The following KIF13A variants were observed in gnomAD, a reference collection of about 807,000 sequenced individuals.
KIF13A encodes kinesin-like protein KIF13A.
Under a neutral mutation model 212.2 loss-of-function variants are expected in KIF13A, and 79 were observed. That is an observed-to-expected ratio of 0.37 (90% confidence interval 0.31 to 0.45). The LOEUF (loss-of-function observed/expected upper bound fraction) is 0.45. Among genes scored for constraint, KIF13A ranks in the 20% least tolerant of loss-of-function variants. The pLI is 1.00. For missense variants in KIF13A, 1,901 were observed against 2,209.0 expected, an observed-to-expected ratio of 0.86 and a Z score of 2.79; for synonymous variants, 789 against 808.6, an observed-to-expected ratio of 0.98 and a Z score of 0.41.
In KIF13A at chr6:17,771,181, A is replaced by G. The variant is rs766177992; in HGVS notation, c.4514T>C (p.Ile1505Thr). 5 of 1,613,260 alleles carry G rather than the reference A, an allele frequency of 3.1e-6. No individual in the cohort carries two copies. The highest frequency in any genetic ancestry group is 1.3e-5 in the African/African-American group (1 of 75,042). ...PPPQAHNPGC[I>T]VPSGSNGSSM... ...GCTGCCATTGCTTCCTGAGGGTACAATGCAGCCAGGGTTATGTGCCTGAGG... is the reference window on the plus strand; with the variant it reads ...GCTGCCATTGCTTCCTGAGGGTACAGTGCAGCCAGGGTTATGTGCCTGAGG... Residue 1505 changes from isoleucine (I) to threonine (T), a missense_variant, in exon 38 of 39, where the codon ATT becomes ACT. Ile to Thr is a moderately conservative substitution (Grantham distance 89). This residue lies in a region of KIF13A where 687 missense variants were observed against 759.1 expected (regional missense o/e 0.90). Transcript: ENST00000259711. This position sits in a 1 kb window ranked among gnomAD's most constrained non-coding sequence, Gnocchi z 5.4.
chr6:17,951,278 C>T lies in KIF13A; in HGVS notation c.146+35776G>A, dbSNP rs1236836479. ...GAGTAGCTGGGACCACAGGTATGCG[C>T]CACCACGTCCAGCTAATTTTAAACA... On this transcript the variant is annotated intron_variant, in intron 2 of 38. Transcript: ENST00000259711. This position sits in a 1 kb window ranked among gnomAD's most constrained non-coding sequence, Gnocchi z 4.9. 4 of 595,312 alleles carry T rather than the reference C, an allele frequency of 6.7e-6. No individual in the cohort carries two copies. The highest frequency in any genetic ancestry group is 8.6e-6 in the Non-Finnish European group (3 of 347,926). 36.9% of individuals were successfully genotyped at this position (595,312 alleles called of 1,614,324 possible).
At chr6:17,874,736 T>A (rs944205457) in intron 3 of KIF13A, among the ~76,000 whole-genome samples, 1 of 151,962 alleles carries the variant, frequency 6.6e-6, no homozygotes, top group Non-Finnish European at 1.5e-5. Context: ...GTACACTGCA[T>A]CATATTTGTA....
At chr6:17,882,074 T>C (rs1007131812) in intron 3 of KIF13A, 1 of 456,928 alleles carries the variant, frequency 2.2e-6, no homozygotes. Context: ...ATATGTAATC[T>C]GTAACCATTT....
At chr6:17,819,726 T>TA (rs552877754) in intron 16 of KIF13A, among the ~76,000 whole-genome samples, 9 of 152,116 alleles carry the variant, frequency 5.9e-5, no homozygotes, top group African/African-American at 9.7e-5. Context: ...CTATAACTTC[T>TA]AAAAAAATAT....
chr6:17,971,501 A>G lies in KIF13A; in HGVS notation c.146+15553T>C. ...CAGTGGTGTAATCATGGCTCACTGCAGCCTAGACCTTCTGCATTCAAGTGA... is the reference window on the plus strand; with the variant it reads ...CAGTGGTGTAATCATGGCTCACTGCGGCCTAGACCTTCTGCATTCAAGTGA... On this transcript the variant is annotated intron_variant, in intron 2 of 38. Transcript: ENST00000259711. The surrounding 1 kb of genome is among the most constrained non-coding windows in gnomAD (Gnocchi z 4.2). Among the ~76,000 whole-genome samples, 1 of 151,906 alleles carries G rather than the reference A, an allele frequency of 6.6e-6. No homozygotes were observed. The highest frequency in any genetic ancestry group is 6.6e-5 in the Admixed American group (1 of 15,238).
chr6:17,966,847 A>G (rs1395091574), intron 2 of KIF13A, among the ~76,000 whole-genome samples: 1 of 152,198 alleles, frequency 6.6e-6, no homozygotes, highest in African/African-American at 2.4e-5. Context: ...GTAAATACTC[A>G]AAGCGTATTA....
At chr6:17,903,704 C>T (rs1053892230) in intron 2 of KIF13A, among the ~76,000 whole-genome samples, 9 of 152,158 alleles carry the variant, frequency 5.9e-5, no homozygotes, top group East Asian at 3.8e-4. Context: ...ACAGGGAAGA[C>T]TGACAGGCAG....
In KIF13A at chr6:17,799,835, G is replaced by A. The variant is rs116297000; in HGVS notation, c.2616+117C>T. On this transcript the variant is annotated intron_variant, in intron 21 of 38. Transcript: ENST00000259711. This position sits in a 1 kb window ranked among gnomAD's most constrained non-coding sequence, Gnocchi z 4.4. Reference sequence around the variant, plus strand: ...CAAAGTACTGTCCACCACTGTATCTGCTGTTACAAAATCCAACTTTTACTA... The same window carrying A: ...CAAAGTACTGTCCACCACTGTATCTACTGTTACAAAATCCAACTTTTACTA... The A allele has an allele frequency of 1.3e-4, 140 of 1,048,182 alleles. No individual in the cohort carries two copies. In the African/African-American group the frequency reaches 1.9e-3, roughly 14 times the overall value. 64.9% of individuals were successfully genotyped at this position (1,048,182 alleles called of 1,614,324 possible). A position where few individuals can be genotyped will look rare whatever the true frequency, so the allele number is the denominator to read the frequency against.
At chr6:17,870,416 T>C (rs1050476288) in intron 4 of KIF13A, among the ~76,000 whole-genome samples, 1 of 152,108 alleles carries the variant, frequency 6.6e-6, no homozygotes, top group African/African-American at 2.4e-5. Flanking sequence ...CACAACTAAA[T>C]TTTATCATCT....
chr6:17,859,921 T>G (rs1768575485), intron 4 of KIF13A, among the ~76,000 whole-genome samples: 1 of 151,704 alleles, frequency 6.6e-6, no homozygotes, highest in African/African-American at 2.4e-5. Flanking sequence ...ATGTTCTATA[T>G]TATTGAATCC....
rs16879993 is a variant in KIF13A, at chr6:17,849,798, C to T, written c.718-309G>A. ...AGATATGAGGACATGAGGATTTCTG[C>T]ACATTCAAGTCAAATCCTTCTTCCT... On this transcript the variant is annotated intron_variant, in intron 8 of 38. Coordinates refer to ENST00000259711, the MANE Select transcript of KIF13A (RefSeq NM_022113.6). This position sits in a 1 kb window ranked among gnomAD's most constrained non-coding sequence, Gnocchi z 5.7. Among the ~76,000 whole-genome samples, 800 of 152,296 alleles carry T rather than the reference C, an allele frequency of 5.3e-3. 20 individuals are homozygous for T. Among genetic ancestry groups the T allele is most frequent in the East Asian group, 0.041 (214 of 5,174 alleles).
At position 17,900,632 on chromosome 6, in the gene KIF13A, A is replaced by T. The variant is rs183789627; in HGVS notation, c.147-2452T>A. Among the ~76,000 whole-genome samples, 1 of 152,238 alleles carries T rather than the reference A, an allele frequency of 6.6e-6. No individual in the cohort carries two copies. Among genetic ancestry groups the T allele is most frequent in the African/African-American group, 2.4e-5 (1 of 41,560 alleles). ...ACCCTTGCTACAGAAGGAAAAGTAA[A>T]CCCTGTAGTGCATCATCACTGTACT... On this transcript the variant is annotated intron_variant, in intron 2 of 38. Coordinates refer to ENST00000259711, the MANE Select transcript of KIF13A (RefSeq NM_022113.6). This position sits in a 1 kb window ranked among gnomAD's most constrained non-coding sequence, Gnocchi z 4.6.
intron 12 of KIF13A, among the ~76,000 whole-genome samples, chr6:17,831,605 G>A (rs994584404): frequency 6.6e-6 from 1 of 151,060 alleles, no homozygotes; most frequent in African/African-American, 2.4e-5. Context: ...GCAGAAAGAG[G>A]ATATATTTGA....
At chr6:17,803,954 C>T (rs1270411216) in intron 20 of KIF13A, among the ~76,000 whole-genome samples, 1 of 152,166 alleles carries the variant, frequency 6.6e-6, no homozygotes, top group Non-Finnish European at 1.5e-5. Context: ...AGATCAAGAC[C>T]ATCCTGGCTA....
chr6:17,936,866 C>G (rs1034072303), intron 2 of KIF13A, among the ~76,000 whole-genome samples: 2 of 152,030 alleles, frequency 1.3e-5, no homozygotes, highest in Non-Finnish European at 2.9e-5. Flanking sequence ...TAGCAACAAC[C>G]AGAATGTTTG....
intron 2 of KIF13A, among the ~76,000 whole-genome samples, chr6:17,939,391 A>G (rs538686092): frequency 6.6e-6 from 1 of 152,366 alleles, no homozygotes; most frequent in East Asian, 1.9e-4. Context: ...CCTCAAGGCC[A>G]TTCGAGTTTA....
Position 17,764,791 on chromosome 6 carries a change from T to A in KIF13A, c.4737A>T (p.Ser1579=). The A allele has an allele frequency of 6.2e-7, 1 of 1,613,358 alleles. No individual in the cohort carries two copies. Among genetic ancestry groups the A allele is most frequent in the Admixed American group, 1.7e-5 (1 of 59,870 alleles). The part of the protein sequence containing the change: ...WFSSKVDLSN[S]RVLEKEVSRS... The stretch of plus-strand genomic sequence containing the variant: ...GGGACACTTCTTTCTCCAAGACCCG[T>A]GAGTTTGACAGATCTACTTTAGAGG... The change falls in exon 39 of 39, where the codon TCA becomes TCT. Residue 1579 remains serine (S), a synonymous_variant. Coordinates refer to ENST00000259711, the MANE Select transcript of KIF13A (RefSeq NM_022113.6). This position sits in a 1 kb window ranked among gnomAD's most constrained non-coding sequence, Gnocchi z 5.1.
intron 2 of KIF13A, among the ~76,000 whole-genome samples, chr6:17,985,632 C>CGGGGGGGGGGG (rs1554128614): frequency 2.6e-5 from 1 of 38,194 alleles, no homozygotes; most frequent in African/African-American, 1.2e-4. Flanking sequence ...ATGCAGTTTG[C>CGGGGGGGGGGG]GGGGGGGTGG....
intron 2 of KIF13A, among the ~76,000 whole-genome samples, chr6:17,932,145 A>T (rs1229319200): frequency 6.6e-6 from 1 of 152,190 alleles, no homozygotes; most frequent in East Asian, 1.9e-4. Flanking sequence ...AACCACCGAC[A>T]CATGCTAGAC....
Sources: allele counts gnomAD v4.1 joint callset (sites outside exome capture counted in the v4.1 genomes callset), GRCh38; gene constraint gnomAD v4.1.1; regional missense constraint gnomAD v4.1.1; non-coding constraint Gnocchi (gnomAD v3.1); transcripts MANE v1.5; gene names NCBI Gene and HGNC (gene_info 2026-07-23, HGNC 2026-07-21).